The following ZNF79 variants were observed in gnomAD, a reference collection of about 807,000 sequenced individuals.
ZNF79 encodes ZNFpT7.
A neutral mutation model predicts 14.9 loss-of-function variants in ZNF79; 13 were observed. That is an observed-to-expected ratio of 0.87 (90% CI 0.57 to 1.38). The LOEUF is 1.38. Among genes scored for constraint, ZNF79 ranks in the 40% most tolerant of loss-of-function variants. The probability of loss-of-function intolerance (pLI) is 0.00; values close to 1 mark genes in which losing one functional copy is unlikely to be tolerated. For missense variants in ZNF79, 631 were observed against 630.6 expected (o/e 1.00, Z -0.01); for synonymous variants, 223 against 235.1 (o/e 0.95, Z 0.47).
chr9:127,425,148 TCCTTCTAGC>T (rs1224797029), intron 1 of ZNF79, among the ~76,000 whole-genome samples: 1 of 152,074 alleles, frequency 6.6e-6, no homozygotes, highest in Non-Finnish European at 1.5e-5. Flanking sequence ...GTCACTTTTC[TCCTTCTAGC>T]CCTTCTCGAA....
rs1177579515 is a variant in ZNF79 at position 127,424,571 on chromosome 9, C to G, written c.-217C>G. The G allele has an allele frequency of 1.3e-5, 7 of 559,034 alleles. No homozygotes were observed. Among genetic ancestry groups the G allele is most frequent in the Admixed American group, 3.1e-5 (1 of 32,708 alleles). 34.6% of individuals were successfully genotyped at this position (559,034 alleles called of 1,614,324 possible). On this transcript the variant is annotated 5_prime_UTR_variant, in exon 1 of 5. Transcript: ENST00000342483. ...GCCGAGCCAAAGAGTGGCTGTGACT[C>G]GGGAGACGGAGTGGAACACCCGGCT...
At chr9:127,427,649 T>C (rs1485513775) in intron 1 of ZNF79, among the ~76,000 whole-genome samples, 1 of 151,152 alleles carries the variant, frequency 6.6e-6, no homozygotes, top group Non-Finnish European at 1.5e-5. Flanking sequence ...TCAAGCCATC[T>C]TTCCACCTCA....
chr9:127,438,894 C>T (rs1054419802), intron 4 of ZNF79, among the ~76,000 whole-genome samples: 2 of 152,058 alleles, frequency 1.3e-5, no homozygotes, highest in Admixed American at 1.3e-4. Flanking sequence ...GCAGATCACC[C>T]GAGGTCAGGA....
chr9:127,436,587 C>G (rs6478776), intron 4 of ZNF79, among the ~76,000 whole-genome samples: 1 of 152,090 alleles, frequency 6.6e-6, no homozygotes, highest in African/African-American at 2.4e-5. Flanking sequence ...TTACCACCCA[C>G]GTACAGCTGC....
intron 4 of ZNF79, among the ~76,000 whole-genome samples, chr9:127,442,865 C>G (rs991902676): frequency 6.7e-6 from 1 of 149,390 alleles, no homozygotes; most frequent in Non-Finnish European, 1.5e-5. Context: ...GTCTCAAAAT[C>G]TGTGTGTGTG....
At chr9:127,436,279 TG>T (rs1201890994) in intron 4 of ZNF79, among the ~76,000 whole-genome samples, 2 of 152,198 alleles carry the variant, frequency 1.3e-5, no homozygotes, top group Non-Finnish European at 2.9e-5. Flanking sequence ...AGGAGGTGTT[TG>T]GGGGCACGTG....
chr9:127,429,648 G>A (rs371952721), intron 2 of ZNF79, among the ~76,000 whole-genome samples: 56 of 151,642 alleles, frequency 3.7e-4, no homozygotes, highest in African/African-American at 1.4e-3. Context: ...GTTTTGTTTT[G>A]TTTTGTTTTT....
intron 4 of ZNF79, among the ~76,000 whole-genome samples, chr9:127,440,304 G>C (rs1422320026): frequency 6.6e-6 from 1 of 152,170 alleles, no homozygotes; most frequent in Non-Finnish European, 1.5e-5. Context: ...CTCTTTGGAG[G>C]TGACATGGGA....
At chr9:127,443,911 A>AG in intron 4 of ZNF79, 118 bp from the exon 5 acceptor site, 1 of 884,862 alleles carries the variant, frequency 1.1e-6, no homozygotes. Context: ...AAAAAAAAAA[A>AG]AAAAAAAAAA....
In ZNF79 at chr9:127,424,717, T is replaced by C; in HGVS notation, c.-71T>C. 1 of 1,608,336 alleles carries C rather than the reference T, an allele frequency of 6.2e-7. No individual in the cohort carries two copies. The highest frequency in any genetic ancestry group is 8.5e-7 in the Non-Finnish European group (1 of 1,177,484). On this transcript the variant is annotated 5_prime_UTR_variant, in exon 1 of 5. Transcript: ENST00000342483. ...GTCAGAGCAGCCCTGCAGAACGGGG[T>C]GGGGGCTGCTGTAGATAGACCCTTA...
At chr9:127,437,478 A>G (rs913169866) in intron 4 of ZNF79, among the ~76,000 whole-genome samples, 6 of 151,852 alleles carry the variant, frequency 4.0e-5, no homozygotes, top group East Asian at 1.9e-4. Context: ...AGTGTTCATC[A>G]TAGTCTCAGA....
intron 2 of ZNF79, among the ~76,000 whole-genome samples, chr9:127,433,702 G>C (rs920055119): frequency 1.3e-5 from 2 of 152,078 alleles, no homozygotes; most frequent in African/African-American, 4.8e-5. Context: ...GATTTCCTAT[G>C]GCCACCTTAA....
At chr9:127,428,741 C>T in intron 1 of ZNF79, 91 bp from the exon 2 acceptor site, 1 of 1,290,322 alleles carries the variant, frequency 7.7e-7, no homozygotes. Flanking sequence ...AGCCCACGTG[C>T]CCTGATACCT....
chr9:127,440,628 G>A (rs7046875), intron 4 of ZNF79, among the ~76,000 whole-genome samples: 91,904 of 151,980 alleles, frequency 0.6, 28,120 homozygotes, highest in African/African-American at 0.63. Flanking sequence ...AGTGACACTG[G>A]TGAAAAAAAT....
intron 1 of ZNF79, among the ~76,000 whole-genome samples, chr9:127,425,500 G>A (rs558572400): frequency 3.3e-5 from 5 of 152,282 alleles, no homozygotes; most frequent in African/African-American, 1.2e-4. Flanking sequence ...TAGATCAACT[G>A]TATTTGGTCT....
chr9:127,436,242 C>T (rs1056641135), intron 4 of ZNF79, among the ~76,000 whole-genome samples: 3 of 152,238 alleles, frequency 2.0e-5, no homozygotes, highest in Non-Finnish European at 4.4e-5. Context: ...TCTTCCTCAC[C>T]TCATCCTTAT....
At chr9:127,442,891 A>AT (rs1379456748) in intron 4 of ZNF79, among the ~76,000 whole-genome samples, 1 of 151,832 alleles carries the variant, frequency 6.6e-6, no homozygotes, top group African/African-American at 2.4e-5. Context: ...GTGTGGCACT[A>AT]TTTTTTACTT....
intron 4 of ZNF79, among the ~76,000 whole-genome samples, chr9:127,437,404 T>C (rs936677256): frequency 2.0e-5 from 3 of 150,984 alleles, no homozygotes; most frequent in Non-Finnish European, 4.4e-5. Context: ...AAGTCCTCTG[T>C]GGAGCTTCAG....
At chr9:127,439,489 A>G (rs916115884) in intron 4 of ZNF79, among the ~76,000 whole-genome samples, 2 of 152,196 alleles carry the variant, frequency 1.3e-5, no homozygotes, top group African/African-American at 4.8e-5. Flanking sequence ...GGAGTTCAAC[A>G]TGGCCTCTGT....
Sources: gnomAD v4.1 joint callset for allele counts (sites outside exome capture counted in the v4.1 genomes callset) on GRCh38, gnomAD v4.1.1 for gene constraint, MANE v1.5 for transcripts, NCBI Gene and HGNC (gene_info 2026-07-23, HGNC 2026-07-21) for gene names.